Variants in GK5 observed in about 807,000 individuals in gnomAD.
GK5 encodes the protein glycerol kinase 5.
GK5 carries 39 observed loss-of-function variants against 77.3 expected under a neutral mutation model. The observed-to-expected ratio is 0.50, with a 90% CI of 0.39 to 0.66. The LOEUF (loss-of-function observed/expected upper bound fraction) is 0.66. GK5 is among the 30% of genes least tolerant of loss of function. GK5 has a pLI of 0.00. For missense variants in GK5, 487 were observed against 633.8 expected, an observed-to-expected ratio of 0.77 and a Z score of 2.49; for synonymous variants, 211 against 208.0, an observed-to-expected ratio of 1.01 and a Z score of -0.13.
intron 10 of GK5, among the ~76,000 whole-genome samples, 161 bp from the exon 11 acceptor site, chr3:142,181,726 T>C (rs897808082): frequency 6.6e-6 from 1 of 152,246 alleles, no homozygotes; most frequent in Non-Finnish European, 1.5e-5. Flanking sequence ...CTAGCTGTAG[T>C]CTTGCAAGTT....
chr3:142,177,661 T>C, intron 11 of GK5, 85 bp from the exon 12 acceptor site: 5 of 761,412 alleles, frequency 6.6e-6, no homozygotes, highest in Non-Finnish European at 9.2e-6. Flanking sequence ...TACATGATAG[T>C]ATTTACCTGC....
intron 6 of GK5, 117 bp from the exon 7 acceptor site, chr3:142,186,630 CTTT>C (rs781196956): frequency 7.7e-3 from 2,017 of 260,322 alleles, no homozygotes; most frequent in Middle Eastern, 0.013. Flanking sequence ...TGTGTATTTT[CTTT>C]TTTTTTTTTT....
chr3:142,169,963 G>A (rs2063516496), intron 15 of GK5, among the ~76,000 whole-genome samples: 1 of 152,166 alleles, frequency 6.6e-6, no homozygotes, highest in Non-Finnish European at 1.5e-5. Flanking sequence ...ATGAGCCACT[G>A]CACCTGGCTC....
chr3:142,188,107 C>T (rs1460516117), intron 5 of GK5, among the ~76,000 whole-genome samples: 1 of 151,770 alleles, frequency 6.6e-6, no homozygotes, highest in African/African-American at 2.4e-5. Flanking sequence ...TTTAAACATA[C>T]ACTAGTCGGC....
chr3:142,219,749 G>T (rs1381353756), intron 1 of GK5, among the ~76,000 whole-genome samples: 1 of 152,216 alleles, frequency 6.6e-6, no homozygotes, highest in Non-Finnish European at 1.5e-5. Context: ...GCCGAGGTAG[G>T]AGAATTGCTT....
intron 15 of GK5, among the ~76,000 whole-genome samples, chr3:142,167,258 C>T (rs1464335142): frequency 2.0e-5 from 3 of 152,038 alleles, no homozygotes; most frequent in Non-Finnish European, 4.4e-5. Flanking sequence ...CCTATAGTCT[C>T]AGCTACTTAG....
chr3:142,201,096 A>C (rs2064014535), intron 4 of GK5, among the ~76,000 whole-genome samples: 1 of 152,232 alleles, frequency 6.6e-6, no homozygotes, highest in South Asian at 2.1e-4. Context: ...TTACAAAAGA[A>C]AACATGCAAT....
chr3:142,210,901 A>G (rs188921232), intron 3 of GK5, among the ~76,000 whole-genome samples: 103 of 152,320 alleles, frequency 6.8e-4, no homozygotes, highest in Non-Finnish European at 1.1e-3. Flanking sequence ...GACACATCCA[A>G]TCAGTTCTTT....
At chr3:142,200,529 T>A (rs1222446328) in intron 4 of GK5, among the ~76,000 whole-genome samples, 1 of 152,222 alleles carries the variant, frequency 6.6e-6, no homozygotes, top group African/African-American at 2.4e-5. Context: ...CATAAGACTT[T>A]TTAAAAGTAT....
chr3:142,198,995 A>C, intron 4 of GK5, 62 bp from the exon 5 acceptor site: 1 of 1,227,434 alleles, frequency 8.1e-7, no homozygotes, highest in Non-Finnish European at 1.1e-6. Context: ...TTTCCACATC[A>C]ATTCTATATA....
At chr3:142,176,754 C>G (rs2063618922) in intron 12 of GK5, among the ~76,000 whole-genome samples, 2 of 148,208 alleles carry the variant, frequency 1.3e-5, no homozygotes, top group African/African-American at 5.1e-5. Flanking sequence ...CTCCACCTCC[C>G]AGGTTCAAGC....
intron 6 of GK5, 117 bp downstream of exon 6, chr3:142,187,587 A>G: frequency 1.4e-6 from 1 of 707,428 alleles, no homozygotes. Flanking sequence ...CCTGGTTGAC[A>G]GAGCGAGACC....
chr3:142,186,597 C>T, intron 6 of GK5, 84 bp from the exon 7 acceptor site: 1 of 518,100 alleles, frequency 1.9e-6, no homozygotes, highest in Non-Finnish European at 3.3e-6. Flanking sequence ...AGACCTTTGT[C>T]TACCCTCAAA....
intron 12 of GK5, among the ~76,000 whole-genome samples, chr3:142,172,824 T>C (rs1257015945): frequency 6.6e-6 from 1 of 152,240 alleles, no homozygotes; most frequent in Non-Finnish European, 1.5e-5. Context: ...AGAATAGCTT[T>C]CTACTTTTTA....
At chr3:142,215,730 G>C (rs1183188809) in intron 1 of GK5, 38 bp from the exon 2 acceptor site, 2 of 1,022,008 alleles carry the variant, frequency 2.0e-6, no homozygotes, top group East Asian at 4.9e-5. Context: ...AACAGCATTA[G>C]ATCAAGTCAA....
At position 142,225,301 on chromosome 3, in the gene GK5, CAA is replaced by C. The variant is rs2064412178; in HGVS notation, c.147+6_147+7del. On this transcript the variant is annotated splice_donor_region_variant and intron_variant, in intron 1 of 15. Transcript: ENST00000392993. ...CAGACCCGCGCCCCACGCCCGCCCC[CAA>C]GTCACCTTCTGCACGCTGGAGCCGC... 1.3e-6 allele frequency: 2 copies of C among 1,532,558 alleles called. No individual in the cohort carries two copies. Among genetic ancestry groups the C allele is most frequent in the East Asian group, 5.1e-5 (2 of 39,000 alleles). 94.9% of individuals were successfully genotyped at this position (1,532,558 alleles called of 1,614,324 possible). A position where few individuals can be genotyped will look rare whatever the true frequency, so the allele number is the denominator to read the frequency against.
In GK5 at chr3:142,177,480, A is replaced by G; in HGVS notation, c.1143+2T>C. 1 of 1,550,836 alleles carries G rather than the reference A, an allele frequency of 6.4e-7. No homozygotes were observed. The highest frequency in any genetic ancestry group is 8.8e-7 in the Non-Finnish European group (1 of 1,133,042). ...TTGCCATTAACTTTAAAAAATACAT[A>G]CCTGTAATCCACTAAAAGATGGAAC... is the stretch of plus-strand genomic sequence containing the variant. On this transcript the variant is annotated splice_donor_variant, in intron 12 of 15. Transcript: ENST00000392993. LOFTEE classifies it high-confidence loss of function.
intron 5 of GK5, among the ~76,000 whole-genome samples, chr3:142,191,065 C>CAAA (rs1560221592): frequency 6.6e-6 from 1 of 151,102 alleles, no homozygotes; most frequent in East Asian, 1.9e-4. Context: ...TTTTTTGAGA[C>CAAA]AGAGTCTGGC....
chr3:142,198,737 C>T, intron 5 of GK5, 65 bp downstream of exon 5: 1 of 1,354,390 alleles, frequency 7.4e-7, no homozygotes, highest in Non-Finnish European at 9.9e-7. Context: ...TTTTTTCTTC[C>T]CCATAGTCTT....
Sources: allele counts gnomAD v4.1 joint callset (sites outside exome capture counted in the v4.1 genomes callset), GRCh38; gene constraint gnomAD v4.1.1; transcripts MANE v1.5; gene names NCBI Gene and HGNC (gene_info 2026-07-23, HGNC 2026-07-21).